HIBCH: variants seen among roughly 807,000 people sequenced by gnomAD.
HIBCH encodes the protein 3-hydroxyisobutyryl-CoA hydrolase.
HIBCH carries 50 observed loss-of-function variants against 58.2 expected under a neutral mutation model. The observed-to-expected ratio is 0.86, with a 90% CI of 0.68 to 1.09. HIBCH has a LOEUF of 1.09. Among genes scored for constraint, HIBCH ranks in the 50% least tolerant of loss-of-function variants. The probability of loss-of-function intolerance (pLI) is 0.00; values close to 1 mark genes in which losing one functional copy is unlikely to be tolerated. For missense variants in HIBCH, 450 were observed against 449.7 expected (o/e 1.00, Z -0.01); for synonymous variants, 151 against 146.9 (o/e 1.03, Z -0.20).
At chr2:190,229,195 T>G (rs1686016367) in intron 11 of HIBCH, among the ~76,000 whole-genome samples, 1 of 152,218 alleles carries the variant, frequency 6.6e-6, no homozygotes, top group Non-Finnish European at 1.5e-5. Context: ...TCTAACTGTT[T>G]GGAATTCATG....
At position 190,294,022 on chromosome 2, in the gene HIBCH, G is replaced by GTA. The variant is rs1553505756; in HGVS notation, c.304+522_304+523dup. ...ATATTTTGTAATATATATTTTGTGT[G>GTA]TATATATATATATATATATATATAT... is the stretch of plus-strand genomic sequence containing the variant. On this transcript the variant is annotated intron_variant, in intron 4 of 13. Transcript: ENST00000359678. Among the ~76,000 whole-genome samples the GTA allele has an allele frequency of 6.5e-4, 54 of 83,016 alleles. 1 individual carries two copies. The highest frequency in any genetic ancestry group is 3.0e-3 in the South Asian group (7 of 2,344). 54.5% of individuals were successfully genotyped at this position (83,016 alleles called of 152,430 possible).
intron 1 of HIBCH, among the ~76,000 whole-genome samples, chr2:190,314,428 C>G (rs9750921): frequency 6.8e-6 from 1 of 147,934 alleles, no homozygotes; most frequent in African/African-American, 2.5e-5. Context: ...TATATATACA[C>G]ACACAACCAA....
rs1690467279 is a variant in HIBCH at position 190,209,482 on chromosome 2, C to A, written c.1012-569G>T. ...CCAAGATAATGATTTTAAGTGTTTT[C>A]TGCCTTCTCAACCTCTACCCGTAGA... is the stretch of plus-strand genomic sequence containing the variant. On this transcript the variant is annotated intron_variant, in intron 12 of 13. Transcript: ENST00000359678. The surrounding 1 kb of genome is among the most constrained non-coding windows in gnomAD (Gnocchi z 5.6). 6.6e-6 allele frequency among the ~76,000 whole-genome samples: 1 copy of A among 152,208 alleles called. No individual in the cohort carries two copies.
chr2:190,282,835 G>C (rs1374894305), intron 6 of HIBCH, among the ~76,000 whole-genome samples: 1 of 99,640 alleles, frequency 1.0e-5, no homozygotes, highest in South Asian at 3.8e-4. Flanking sequence ...TAGTTGTTAC[G>C]AGAAGGCCAA....
intron 7 of HIBCH, 85 bp from the exon 8 acceptor site, chr2:190,252,392 C>T: frequency 8.8e-7 from 1 of 1,140,360 alleles, no homozygotes; most frequent in South Asian, 1.3e-5. Flanking sequence ...TCACACAAAC[C>T]ATTTCTCTCT....
intron 1 of HIBCH, among the ~76,000 whole-genome samples, chr2:190,193,743 T>G (rs1010358295): frequency 6.6e-6 from 1 of 152,184 alleles, no homozygotes; most frequent in Non-Finnish European, 1.5e-5. Context: ...GATGTATCTA[T>G]TAGATCTTTT....
chr2:190,235,649 G>A (rs1686251913), intron 11 of HIBCH, among the ~76,000 whole-genome samples: 1 of 152,072 alleles, frequency 6.6e-6, no homozygotes, highest in Non-Finnish European at 1.5e-5. Context: ...CGTATTTCCT[G>A]GTATGTTACT....
intron 3 of HIBCH, among the ~76,000 whole-genome samples, chr2:190,295,505 T>G (rs1575756465): frequency 1.3e-5 from 2 of 152,230 alleles, no homozygotes; most frequent in African/African-American, 4.8e-5. Context: ...ATTTTCCACT[T>G]GTGGCATCAT....
Position 190,190,827 on chromosome 2 carries a change from T to A in HIBCH, c.*18-830A>T, listed in dbSNP as rs189554253. Among the ~76,000 whole-genome samples the A allele has an allele frequency of 1.8e-4, 28 of 152,290 alleles. No individual in the cohort carries two copies. The East Asian group carries it at 5.2e-3, about 28-fold the overall frequency. ...GACTTCATTTTGGTGAACAAGTCTATGAATTTTAACGCATGTTTAGATTTG... is the reference window on the plus strand; with the variant it reads ...GACTTCATTTTGGTGAACAAGTCTAAGAATTTTAACGCATGTTTAGATTTG... On this transcript the variant is annotated intron_variant, in intron 1 of 1. Transcript: ENST00000399855.
At chr2:190,239,832 T>C in intron 11 of HIBCH, among the ~76,000 whole-genome samples, 1 of 152,144 alleles carries the variant, frequency 6.6e-6, no homozygotes, top group South Asian at 2.1e-4. Flanking sequence ...GTATTTTTAA[T>C]AGAGACAGGG....
chr2:190,250,925 C>G (rs1686745461), intron 8 of HIBCH, among the ~76,000 whole-genome samples: 1 of 152,080 alleles, frequency 6.6e-6, no homozygotes, highest in Non-Finnish European at 1.5e-5. Context: ...ACTTCAATGG[C>G]CAAAGAGGAC....
intron 7 of HIBCH, among the ~76,000 whole-genome samples, chr2:190,255,588 A>C (rs542845345): frequency 5.9e-5 from 9 of 152,338 alleles, no homozygotes; most frequent in Middle Eastern, 6.8e-3. Context: ...ATCAAGCAAT[A>C]AAGAAAAGTG....
Position 190,254,239 on chromosome 2 carries a change from AG to A in HIBCH, c.518-1933del, listed in dbSNP as rs1686861092. On this transcript the variant is annotated intron_variant, in intron 7 of 13. Coordinates refer to ENST00000359678, the MANE Select transcript of HIBCH (RefSeq NM_014362.4). The surrounding 1 kb of genome is among the most constrained non-coding windows in gnomAD (Gnocchi z 5.0). Reference sequence around the variant, plus strand: ...GTAATTAAGTTTAAGTGAGGTCATAAGGGTGGGGTCCTAATCCAACAGGACT... The same window carrying A: ...GTAATTAAGTTTAAGTGAGGTCATAAGGTGGGGTCCTAATCCAACAGGACT... Among the ~76,000 whole-genome samples the A allele has an allele frequency of 6.6e-6, 1 of 152,124 alleles. No homozygotes were observed. Among genetic ancestry groups the A allele is most frequent in the Non-Finnish European group, 1.5e-5 (1 of 68,016 alleles).
At chr2:190,213,200 G>C (rs1690555270) in intron 11 of HIBCH, 125 bp from the exon 12 acceptor site, 1 of 802,524 alleles carries the variant, frequency 1.2e-6, no homozygotes, top group Admixed American at 2.3e-5. Flanking sequence ...TTATACCCTA[G>C]CTTAATCCTG....
intron 6 of HIBCH, among the ~76,000 whole-genome samples, chr2:190,261,935 A>G (rs1282022567): frequency 1.3e-5 from 2 of 152,164 alleles, no homozygotes; most frequent in African/African-American, 4.8e-5. Flanking sequence ...AGGGATTGGC[A>G]ATGGACCCAA....
chr2:190,307,901 C>G (rs879708805), intron 2 of HIBCH, among the ~76,000 whole-genome samples: 3 of 152,168 alleles, frequency 2.0e-5, no homozygotes, highest in Non-Finnish European at 4.4e-5. Flanking sequence ...GAAGGGTCAC[C>G]GTGAATGTCA....
At chr2:190,249,750 G>T (rs774638836) in intron 8 of HIBCH, 24 bp from the exon 9 acceptor site, 1 of 1,416,590 alleles carries the variant, frequency 7.1e-7, no homozygotes, top group Non-Finnish European at 1.0e-6. Flanking sequence ...AGAAAAAAAG[G>T]AAAGATCTTA....
chr2:190,261,723 G>A (rs894494795), intron 6 of HIBCH, among the ~76,000 whole-genome samples: 1 of 151,892 alleles, frequency 6.6e-6, no homozygotes, highest in Non-Finnish European at 1.5e-5. Flanking sequence ...CACTCTTCCC[G>A]CACTCGTTCC....
At chr2:190,264,444 C>T (rs1332520028) in intron 6 of HIBCH, among the ~76,000 whole-genome samples, 1 of 152,148 alleles carries the variant, frequency 6.6e-6, no homozygotes, top group African/African-American at 2.4e-5. Flanking sequence ...TTGTGCTATG[C>T]ACTCTGTCAG....
Sources: gnomAD v4.1 joint callset for allele counts (sites outside exome capture counted in the v4.1 genomes callset) on GRCh38, gnomAD v4.1.1 for gene constraint, Gnocchi (gnomAD v3.1) non-coding constraint, MANE v1.5 for transcripts, NCBI Gene and HGNC (gene_info 2026-07-23, HGNC 2026-07-21) for gene names.